The following AFDN variants were observed in gnomAD, a reference collection of about 807,000 sequenced individuals.
AFDN encodes afadin, adherens junction formation factor.
Under a neutral mutation model 216.6 loss-of-function variants are expected in AFDN, and 68 were observed. The observed-to-expected ratio is 0.31, with a 90% CI of 0.26 to 0.38. AFDN has a LOEUF of 0.38. AFDN is among the 10% of genes least tolerant of loss of function. The probability of loss-of-function intolerance (pLI) is 1.00; values close to 1 mark genes in which losing one functional copy is unlikely to be tolerated. For synonymous variants in AFDN, 868 were observed against 853.7 expected (o/e 1.02, Z -0.29); for missense variants, 2,136 against 2,342.0 (o/e 0.91, Z 1.82).
intron 4 of AFDN, among the ~76,000 whole-genome samples, chr6:167,874,468 A>G (rs971306893): frequency 3.9e-5 from 6 of 152,104 alleles, no homozygotes; most frequent in African/African-American, 1.4e-4. Flanking sequence ...CATTCTGTAC[A>G]TTTGACTTCT....
rs1788517639 is a variant in AFDN at position 167,898,207 on chromosome 6, G to C, written c.1320G>C (p.Leu440Phe). ...CTTTGGTTTCCTTCGGTTTCCAGTT[G>C]TTTGGCCCAGGAATTCAGCCCCATC... ...TEKLDDNSIQLFGPGIQPHHC... is the reference protein window; with the variant it reads ...TEKLDDNSIQFFGPGIQPHHC... Residue 440 changes from leucine to phenylalanine, a missense_variant and splice_region_variant, in exon 11 of 34, where the codon TTG (leucine) becomes TTC (phenylalanine). Coordinates refer to ENST00000683244, the MANE Select transcript of AFDN (RefSeq NM_001386888.1). 1 of 1,612,986 alleles carries C rather than the reference G, an allele frequency of 6.2e-7. No individual in the cohort carries two copies. Among genetic ancestry groups the C allele is most frequent in the African/African-American group, 1.3e-5 (1 of 74,868 alleles).
At chr6:167,922,014 G>C (rs1252919102) in intron 21 of AFDN, among the ~76,000 whole-genome samples, 1 of 152,200 alleles carries the variant, frequency 6.6e-6, no homozygotes, top group East Asian at 1.9e-4. Flanking sequence ...GACCACTTGA[G>C]ACTGTGGTGA....
At position 167,943,936 on chromosome 6, in the gene AFDN, C is replaced by A. The variant is rs528685238; in HGVS notation, c.3240-5C>A. 6.2e-7 allele frequency: 1 copy of A among 1,613,528 alleles called. No homozygotes were observed. Among genetic ancestry groups the A allele is most frequent in the East Asian group, 2.2e-5 (1 of 44,878 alleles). ...TTTCTTACATGTGTAATCTTCTTCTCCTAGGGCGGCAGAACTCATGACAAG... is the reference window on the plus strand; with the variant it reads ...TTTCTTACATGTGTAATCTTCTTCTACTAGGGCGGCAGAACTCATGACAAG... On this transcript the variant is annotated splice_region_variant and splice_polypyrimidine_tract_variant and intron_variant, in intron 25 of 33. Transcript: ENST00000683244.
chr6:167,965,723 T>A (rs1367599255), intron 31 of AFDN, 34 bp from the exon 32 acceptor site: 16 of 1,495,934 alleles, frequency 1.1e-5, no homozygotes, highest in Non-Finnish European at 1.4e-5. Context: ...TTCTCACCTC[T>A]GACCTTTGCA....
intron 4 of AFDN, 100 bp from the exon 5 acceptor site, chr6:167,875,235 A>C: frequency 5.3e-6 from 6 of 1,121,742 alleles, no homozygotes; most frequent in Non-Finnish European, 7.7e-6. Context: ...AGATGTAGCC[A>C]AATAGCACCT....
intron 21 of AFDN, among the ~76,000 whole-genome samples, chr6:167,919,907 T>G (rs1791561790): frequency 6.6e-6 from 1 of 152,134 alleles, no homozygotes; most frequent in South Asian, 2.1e-4. Context: ...ATAAATCTGG[T>G]GAGTGTGATT....
At position 167,914,291 on chromosome 6, in the gene AFDN, C is replaced by A; in HGVS notation, c.2182C>A (p.His728Asn). 1 of 1,613,516 alleles carries A rather than the reference C, an allele frequency of 6.2e-7. No individual in the cohort carries two copies. The highest frequency in any genetic ancestry group is 8.5e-7 in the Non-Finnish European group (1 of 1,179,758). ...ACTGGATGCTCAAGATGTTTTAGCA[C>A]ATTTGGTTCAAATGGCATTTAAGTA... ...ITLDAQDVLAHLVQMAFKYLV... is the reference protein window; with the variant it reads ...ITLDAQDVLANLVQMAFKYLV... The change falls in exon 17 of 34, where the codon CAT becomes AAT. Residue 728 changes from histidine (H) to asparagine (N), a missense_variant. By Grantham distance (68) the His-to-Asn change is moderately conservative. Around this residue, in one of 8 missense-constraint regions of AFDN, gnomAD observed 817 missense variants for 965.7 expected, o/e 0.85. Coordinates refer to ENST00000683244, the MANE Select transcript of AFDN (RefSeq NM_001386888.1).
At chr6:167,954,746 A>G (rs561488087) in intron 30 of AFDN, among the ~76,000 whole-genome samples, 61 of 152,330 alleles carry the variant, frequency 4.0e-4, no homozygotes, top group African/African-American at 1.4e-3. Flanking sequence ...TCAGTCATAA[A>G]TTGATTCCGT....
In AFDN at chr6:167,963,425, T is replaced by G. The variant is rs192604731; in HGVS notation, c.4968+858T>G. ...CAACTTCTGATGGCGGAAAATTTAG[T>G]TTTTATTAATAATTCCTTCTTGGAT... On this transcript the variant is annotated intron_variant, in intron 31 of 33. Coordinates refer to ENST00000683244, the MANE Select transcript of AFDN (RefSeq NM_001386888.1). 5 of 1,054,256 alleles carry G rather than the reference T, an allele frequency of 4.7e-6. No individual in the cohort carries two copies. In the African/African-American group the frequency reaches 6.6e-5, roughly 14 times the overall value. The allele number at this position is 1,054,256 out of a possible 1,614,324, so 65.3% of individuals were successfully genotyped here.
At chr6:167,833,178 A>G (rs1780015644) in intron 1 of AFDN, among the ~76,000 whole-genome samples, 1 of 152,196 alleles carries the variant, frequency 6.6e-6, no homozygotes, top group Non-Finnish European at 1.5e-5. Flanking sequence ...CCTCTTCGGT[A>G]GGGTGGAAGC....
At position 167,890,944 on chromosome 6, in the gene AFDN, C is replaced by T. The variant is rs1054425987; in HGVS notation, c.1092C>T (p.Pro364=). The change falls in exon 8 of 34, where the codon CCC becomes CCT. Residue 364 remains proline, a synonymous_variant. Transcript: ENST00000683244. ...KTKKHLEGKT[P]KGKERADGSG... The stretch of plus-strand genomic sequence containing the variant: ...AGAAACACTTGGAAGGCAAGACACC[C>T]AAGGGAAAGGAGAGAGCTGACGGGT... 6.2e-7 allele frequency: 1 copy of T among 1,614,066 alleles called. No individual in the cohort carries two copies. The highest frequency in any genetic ancestry group is 1.6e-4 in the Middle Eastern group (1 of 6,062).
At chr6:167,877,260 G>A (rs926156313) in intron 5 of AFDN, among the ~76,000 whole-genome samples, 1 of 152,184 alleles carries the variant, frequency 6.6e-6, no homozygotes, top group Non-Finnish European at 1.5e-5. Flanking sequence ...TTTGGGGGTG[G>A]AAGGTAGGTT....
intron 30 of AFDN, among the ~76,000 whole-genome samples, chr6:167,954,073 A>G (rs1245787102): frequency 6.6e-6 from 1 of 151,158 alleles, no homozygotes; most frequent in East Asian, 1.9e-4. Flanking sequence ...GGGTTAAAAC[A>G]CTGAATATTT....
intron 1 of AFDN, among the ~76,000 whole-genome samples, chr6:167,835,034 C>T (rs1780267046): frequency 6.6e-6 from 1 of 152,176 alleles, no homozygotes; most frequent in Admixed American, 6.5e-5. Context: ...GGTTCTTTTA[C>T]TCACGTGTGA....
intron 1 of AFDN, among the ~76,000 whole-genome samples, chr6:167,844,175 GA>G (rs1185944789): frequency 8.4e-6 from 1 of 119,090 alleles, no homozygotes; most frequent in African/African-American, 3.5e-5. Context: ...ACTCAAAAAT[GA>G]AGTGTGTGTG....
chr6:167,963,935 T>C, intron 31 of AFDN: 1 of 1,064,640 alleles, frequency 9.4e-7, no homozygotes, highest in Non-Finnish European at 1.1e-6. Flanking sequence ...CAGTGCCAGC[T>C]TGGCTGTCCC....
chr6:167,854,600 A>G (rs2128190880), intron 1 of AFDN, among the ~76,000 whole-genome samples: 1 of 151,880 alleles, frequency 6.6e-6, no homozygotes, highest in African/African-American at 2.4e-5. Context: ...TTTGAAATTT[A>G]TCTTAATGTA....
intron 1 of AFDN, among the ~76,000 whole-genome samples, chr6:167,847,131 C>T (rs1781787434): frequency 6.6e-6 from 1 of 152,188 alleles, no homozygotes; most frequent in Non-Finnish European, 1.5e-5. Context: ...TTCATGCTGA[C>T]ACATCCAGTC....
At position 167,943,141 on chromosome 6, in the gene AFDN, G is replaced by C. The variant is rs1490981871; in HGVS notation, c.3112G>C (p.Asp1038His). The C allele has an allele frequency of 6.2e-7, 1 of 1,613,960 alleles. No homozygotes were observed. Among genetic ancestry groups the C allele is most frequent in the Middle Eastern group, 1.6e-4 (1 of 6,062 alleles). The change falls in exon 24 of 34, where the codon GAT (aspartate) becomes CAT (histidine). Residue 1038 changes from aspartate (D) to histidine (H), a missense_variant. Coordinates refer to ENST00000683244, the MANE Select transcript of AFDN (RefSeq NM_001386888.1). ...SIVAAKGAGQ[D>H]KLGIYVKSVV... Reference sequence around the variant, plus strand: ...GTTTTTGCAATAGGGTGCTGGTCAAGATAAACTAGGAATCTATGTGAAGTC... The same window carrying C: ...GTTTTTGCAATAGGGTGCTGGTCAACATAAACTAGGAATCTATGTGAAGTC...
Sources: allele counts gnomAD v4.1 joint callset (sites outside exome capture counted in the v4.1 genomes callset), GRCh38; gene constraint gnomAD v4.1.1; regional missense constraint gnomAD v4.1.1; transcripts MANE v1.5; gene names NCBI Gene and HGNC (gene_info 2026-07-23, HGNC 2026-07-21).